PSD: variants seen among roughly 807,000 people sequenced by gnomAD.
PSD encodes the protein pleckstrin and Sec7 domain containing.
A neutral mutation model predicts 91.6 loss-of-function variants in PSD; 32 were observed. The ratio of observed to expected loss-of-function variants is 0.35; its 90% CI spans 0.26 to 0.47. The LOEUF (loss-of-function observed/expected upper bound fraction) is 0.47, where lower values mean the gene tolerates loss of function less well. Among genes scored for constraint, PSD ranks in the 20% least tolerant of loss-of-function variants. The probability of loss-of-function intolerance (pLI) is 1.00; values close to 1 mark genes in which losing one functional copy is unlikely to be tolerated. For synonymous variants in PSD, 532 were observed against 569.3 expected (o/e 0.93, Z 0.93); for missense variants, 1,099 against 1,373.9 (o/e 0.80, Z 3.16).
rs2061456847 is a variant in PSD at position 102,414,639 on chromosome 10, C to T, written c.1124+224G>A. 6.6e-6 allele frequency among the ~76,000 whole-genome samples: 1 copy of T among 152,186 alleles called. No individual in the cohort carries two copies. The highest frequency in any genetic ancestry group is 1.5e-5 in the Non-Finnish European group (1 of 68,034). ...TTGACTGTGGCCTCTGGCCTCTCAC[C>T]CTGCCCCCTGTTCTGCTAGAACCCC... On this transcript the variant is annotated intron_variant, in intron 4 of 16. Transcript: ENST00000020673. The surrounding 1 kb of genome is among the most constrained non-coding windows in gnomAD (Gnocchi z 5.6).
At chr10:102,415,897 G>T in intron 3 of PSD, 120 bp downstream of exon 3, 1 of 692,800 alleles carries the variant, frequency 1.4e-6, no homozygotes, top group Non-Finnish European at 2.4e-6. Flanking sequence ...GGGAGACATT[G>T]GCTGACTCAA....
At chr10:102,415,433 G>T (rs922811175) in intron 3 of PSD, among the ~76,000 whole-genome samples, 1 of 152,214 alleles carries the variant, frequency 6.6e-6, no homozygotes, top group African/African-American at 2.4e-5. Flanking sequence ...ATGGCTTTGA[G>T]GAGCTGGGGG....
chr10:102,403,167 G>A lies in PSD; in HGVS notation c.*33C>T. ...GGCAGGGCCATGTCATCCTTCAGGT[G>A]CCCAGCAGGCACTCCCCACCCTAAA... is the stretch of plus-strand genomic sequence containing the variant. On this transcript the variant is annotated 3_prime_UTR_variant, in exon 17 of 17. Coordinates refer to ENST00000020673, the MANE Select transcript of PSD (RefSeq NM_002779.5). The surrounding 1 kb of genome is among the most constrained non-coding windows in gnomAD (Gnocchi z 6.7). 6.9e-7 allele frequency: 1 copy of A among 1,440,570 alleles called. No homozygotes were observed. The highest frequency in any genetic ancestry group is 9.2e-7 in the Non-Finnish European group (1 of 1,083,772). 89.2% of individuals were successfully genotyped at this position (1,440,570 alleles called of 1,614,324 possible). A position where few individuals can be genotyped will look rare whatever the true frequency, so the allele number is the denominator to read the frequency against.
In PSD at chr10:102,405,739, A is replaced by G. The variant is rs2061353539; in HGVS notation, c.2136-203T>C. On this transcript the variant is annotated intron_variant, in intron 11 of 16. Coordinates refer to ENST00000020673, the MANE Select transcript of PSD (RefSeq NM_002779.5). This position sits in a 1 kb window ranked among gnomAD's most constrained non-coding sequence, Gnocchi z 5.4. ...CCTCAGAGCAGGGCACCTCCCTCAG[A>G]GCTCCCCAGCCTAGAGCCACCACTG... 3 of 586,078 alleles carry G rather than the reference A, an allele frequency of 5.1e-6. No homozygotes were observed. Among genetic ancestry groups the G allele is most frequent in the Admixed American group, 6.0e-5 (2 of 33,484 alleles). The allele number at this position is 586,078 out of a possible 1,614,324, so 36.3% of individuals were successfully genotyped here. A position where few individuals can be genotyped will look rare whatever the true frequency, so the allele number is the denominator to read the frequency against.
Position 102,416,051 on chromosome 10 carries a change from T to C in PSD, c.723A>G (p.Glu241=), listed in dbSNP as rs1251811724. 3 of 1,613,670 alleles carry C rather than the reference T, an allele frequency of 1.9e-6. No individual in the cohort carries two copies. Among genetic ancestry groups the C allele is most frequent in the Non-Finnish European group, 2.5e-6 (3 of 1,179,868 alleles). The part of the protein sequence containing the change: ...HAQRIARAKW[E]FFYGSLDPPS... ...GGGGGTCCAAGGAGCCATAGAAGAA[T>C]TCCCATTTGGCTCTAGCGATTCTCT... Residue 241 remains glutamate, a synonymous_variant, in exon 3 of 17, where the codon GAA becomes GAG. Coordinates refer to ENST00000020673, the MANE Select transcript of PSD (RefSeq NM_002779.5). This position sits in a 1 kb window ranked among gnomAD's most constrained non-coding sequence, Gnocchi z 6.0.
chr10:102,407,295 G>A (rs374941074), intron 10 of PSD, 29 bp from the exon 11 acceptor site: 86 of 1,507,922 alleles, frequency 5.7e-5, no homozygotes, highest in Non-Finnish European at 7.6e-5. Context: ...AAATTAGGGG[G>A]TTGTGGGTCA....
chr10:102,418,768 G>A lies in PSD; in HGVS notation c.-151C>T, dbSNP rs1475411238. ...GGCTGGGCCCAGCTGAGCTGTGAAG[G>A]CAGCGCGGCTCCCGTTTGCTCCAGG... On this transcript the variant is annotated 5_prime_UTR_variant, in exon 1 of 17. Transcript: ENST00000020673. The A allele has an allele frequency of 2.2e-6, 1 of 455,572 alleles. No homozygotes were observed. The highest frequency in any genetic ancestry group is 4.4e-6 in the Non-Finnish European group (1 of 226,588). The allele number at this position is 455,572 out of a possible 1,614,324, so 28.2% of individuals were successfully genotyped here.
Position 102,405,309 on chromosome 10 carries a change from C to T in PSD, c.2326+37G>A. ...CTGGAACAGGCCCACTCCCATCCATCCCCTAGACGCCCGCCCCCCGCAACT... is the reference window on the plus strand; with the variant it reads ...CTGGAACAGGCCCACTCCCATCCATTCCCTAGACGCCCGCCCCCCGCAACT... On this transcript the variant is annotated intron_variant, in intron 12 of 16. Transcript: ENST00000020673. The surrounding 1 kb of genome is among the most constrained non-coding windows in gnomAD (Gnocchi z 5.4). 6.2e-7 allele frequency: 1 copy of T among 1,607,852 alleles called. No individual in the cohort carries two copies. The highest frequency in any genetic ancestry group is 8.5e-7 in the Non-Finnish European group (1 of 1,178,594).
rs763345199 is a variant in PSD at position 102,411,770 on chromosome 10, G to A, written c.1879C>T (p.Arg627Cys). The A allele has an allele frequency of 1.9e-6, 3 of 1,613,788 alleles. No homozygotes were observed. The highest frequency in any genetic ancestry group is 2.5e-6 in the Non-Finnish European group (3 of 1,179,878). Residue 627 changes from arginine (R) to cysteine (C), a missense_variant, in exon 8 of 17, where the codon CGC becomes TGC. Arg to Cys is a radical substitution (Grantham distance 180, BLOSUM62 -3). Transcript: ENST00000020673. ...CGCTGGGAGAAGTGGGCCAGCACGC[G>A]CTCTCGTTCCTGGGTCTCACCCATT... ...ALMGETQERE[R>C]VLAHFSQRYF...
rs563160307 is a variant in PSD, at chr10:102,414,312, C to G, written c.1125-115G>C. On this transcript the variant is annotated intron_variant, in intron 4 of 16. Coordinates refer to ENST00000020673, the MANE Select transcript of PSD (RefSeq NM_002779.5). This position sits in a 1 kb window ranked among gnomAD's most constrained non-coding sequence, Gnocchi z 5.6. ...GGGATTATCATCCCCTTTTCACTGG[C>G]TCCAGCCCACTAACAAAAAAGAGCC... The G allele has an allele frequency of 9.6e-7, 1 of 1,045,552 alleles. No individual in the cohort carries two copies. The highest frequency in any genetic ancestry group is 2.5e-5 in the East Asian group (1 of 39,552). 64.8% of individuals were successfully genotyped at this position (1,045,552 alleles called of 1,614,324 possible).
chr10:102,405,722 C>A lies in PSD; in HGVS notation c.2136-186G>T, dbSNP rs1324372761. The stretch of plus-strand genomic sequence containing the variant: ...AATGTGTAGCTGTGCCTCCTCAGAG[C>A]AGGGCACCTCCCTCAGAGCTCCCCA... On this transcript the variant is annotated intron_variant, in intron 11 of 16. Transcript: ENST00000020673. The surrounding 1 kb of genome is among the most constrained non-coding windows in gnomAD (Gnocchi z 5.4). 1.6e-6 allele frequency: 1 copy of A among 608,922 alleles called. No individual in the cohort carries two copies. Among genetic ancestry groups the A allele is most frequent in the East Asian group, 2.8e-5 (1 of 36,030 alleles). The allele number at this position is 608,922 out of a possible 1,614,324, so 37.7% of individuals were successfully genotyped here. A position where few individuals can be genotyped will look rare whatever the true frequency, so the allele number is the denominator to read the frequency against.
intron 5 of PSD, 102 bp from the exon 6 acceptor site, chr10:102,412,677 T>A: frequency 2.1e-6 from 2 of 968,944 alleles, no homozygotes; most frequent in Non-Finnish European, 3.0e-6. Flanking sequence ...GGGGAGGGAG[T>A]GGAGGGACAT....
chr10:102,415,297 AG>A, intron 3 of PSD, 68 bp from the exon 4 acceptor site: 1 of 1,498,956 alleles, frequency 6.7e-7, no homozygotes, highest in Non-Finnish European at 8.9e-7. Context: ...ATTCTGCTCT[AG>A]GATCTCTGCC....
rs1357180611 is a variant in PSD, at chr10:102,410,133, C to A, written c.2091+725G>T. On this transcript the variant is annotated intron_variant, in intron 10 of 16. Coordinates refer to ENST00000020673, the MANE Select transcript of PSD (RefSeq NM_002779.5). This position sits in a 1 kb window ranked among gnomAD's most constrained non-coding sequence, Gnocchi z 6.0. ...ACATGTATGTAGTGGAGCAGAGACACCTTTGTCCTAGCCTGGGGGTTTCTT... is the reference window on the plus strand; with the variant it reads ...ACATGTATGTAGTGGAGCAGAGACAACTTTGTCCTAGCCTGGGGGTTTCTT... Among the ~76,000 whole-genome samples the A allele has an allele frequency of 6.6e-6, 1 of 152,202 alleles. No individual in the cohort carries two copies. Among genetic ancestry groups the A allele is most frequent in the African/African-American group, 2.4e-5 (1 of 41,430 alleles).
rs1315203975 is a variant in PSD at position 102,418,724 on chromosome 10, C to T, written c.-107G>A. The T allele has an allele frequency of 4.4e-6, 2 of 455,702 alleles. No individual in the cohort carries two copies. The highest frequency in any genetic ancestry group is 4.0e-5 in the African/African-American group (2 of 49,992). The allele number at this position is 455,702 out of a possible 1,614,324, so 28.2% of individuals were successfully genotyped here. ...ACCGCTGCTCGCCCAGAGCTGAGAC[C>T]GAGGAGAGACAGAGGAGAGGCTGGG... is the stretch of plus-strand genomic sequence containing the variant. On this transcript the variant is annotated 5_prime_UTR_variant, in exon 1 of 17. Transcript: ENST00000020673.
At chr10:102,418,964 G>A (rs1392944710), upstream of PSD, 5 of 342,082 alleles carry the variant, frequency 1.5e-5, no homozygotes, top group African/African-American at 4.4e-5. Context: ...CCCCAGACAA[G>A]GAGGAGGGCG....
At position 102,405,124 on chromosome 10, in the gene PSD, C is replaced by T; in HGVS notation, c.2397+59G>A. On this transcript the variant is annotated intron_variant, in intron 13 of 16. Coordinates refer to ENST00000020673, the MANE Select transcript of PSD (RefSeq NM_002779.5). This position sits in a 1 kb window ranked among gnomAD's most constrained non-coding sequence, Gnocchi z 5.4. ...CCCAGCCCCTCCTATTCCCACCCAT[C>T]ACCCCACACCCACCAGCCAACTCAG... 1.9e-6 allele frequency: 3 copies of T among 1,609,790 alleles called. No individual in the cohort carries two copies. Among genetic ancestry groups the T allele is most frequent in the Non-Finnish European group, 1.7e-6 (2 of 1,178,356 alleles).
In PSD at chr10:102,411,693, T is replaced by G; in HGVS notation, c.1942+14A>C. On this transcript the variant is annotated intron_variant, in intron 8 of 16. Coordinates refer to ENST00000020673, the MANE Select transcript of PSD (RefSeq NM_002779.5). ...TGGCCAGCTAAGGACACCCCTGCTC[T>G]CGGAACTCCTCACCCTCTGAGGACA... 1 of 1,605,650 alleles carries G rather than the reference T, an allele frequency of 6.2e-7. No individual in the cohort carries two copies. Among genetic ancestry groups the G allele is most frequent in the Non-Finnish European group, 8.5e-7 (1 of 1,175,302 alleles).
In PSD at chr10:102,416,325, C is replaced by T. The variant is rs554792189; in HGVS notation, c.654+60G>A. ...GAACAGCAGACAAGCCCATGTCTGA[C>T]AGGAGGCTGAGCCTTGCCCCTTCAC... On this transcript the variant is annotated intron_variant, in intron 2 of 16. Transcript: ENST00000020673. The surrounding 1 kb of genome is among the most constrained non-coding windows in gnomAD (Gnocchi z 6.0). 5.4e-4 allele frequency: 828 copies of T among 1,532,884 alleles called. 2 individuals carry two copies. Among genetic ancestry groups the T allele is most frequent in the Admixed American group, 6.6e-4 (33 of 50,026 alleles). 95.0% of individuals were successfully genotyped at this position (1,532,884 alleles called of 1,614,324 possible).
Sources: gnomAD v4.1 joint callset for allele counts (sites outside exome capture counted in the v4.1 genomes callset) on GRCh38, gnomAD v4.1.1 for gene constraint, Gnocchi (gnomAD v3.1) non-coding constraint, MANE v1.5 for transcripts, NCBI Gene and HGNC (gene_info 2026-07-23, HGNC 2026-07-21) for gene names.